MTHFD1L: variants seen among roughly 807,000 people sequenced by gnomAD.
MTHFD1L encodes the protein methylenetetrahydrofolate dehydrogenase (NADP+ dependent) 1 like.
Under a neutral mutation model 119.5 loss-of-function variants are expected in MTHFD1L, and 81 were observed. The observed-to-expected ratio is 0.68, with a 90% CI of 0.57 to 0.82. The LOEUF is 0.82. MTHFD1L is among the 40% of genes least tolerant of loss of function. MTHFD1L has a pLI of 0.00. For missense variants in MTHFD1L, 1,125 were observed against 1,253.4 expected, an observed-to-expected ratio of 0.90 and a Z score of 1.55; for synonymous variants, 430 against 475.2, an observed-to-expected ratio of 0.90 and a Z score of 1.24.
At chr6:151,001,146 C>A (rs144086061) in intron 20 of MTHFD1L, among the ~76,000 whole-genome samples, 1 of 152,192 alleles carries the variant, frequency 6.6e-6, no homozygotes. Flanking sequence ...CGTGTCCAGA[C>A]GTAATGGTGA....
intron 17 of MTHFD1L, among the ~76,000 whole-genome samples, chr6:150,958,916 A>G: frequency 6.6e-6 from 1 of 152,228 alleles, no homozygotes; most frequent in East Asian, 1.9e-4. Flanking sequence ...ATTACAAATG[A>G]AGAGCTTGAA....
intron 11 of MTHFD1L, among the ~76,000 whole-genome samples, chr6:150,936,563 G>C (rs957010790): frequency 2.0e-5 from 3 of 152,200 alleles, no homozygotes; most frequent in Non-Finnish European, 4.4e-5. Context: ...AACTGATGTT[G>C]TTATTAGCAC....
At chr6:150,939,078 A>C in intron 13 of MTHFD1L, 1 of 247,856 alleles carries the variant, frequency 4.0e-6, no homozygotes, top group Non-Finnish European at 8.0e-6. Flanking sequence ...TGCCTTCCTA[A>C]ACTTCAAAAA....
intron 17 of MTHFD1L, among the ~76,000 whole-genome samples, chr6:150,956,520 CA>C (rs1397157552): frequency 6.6e-6 from 1 of 152,016 alleles, no homozygotes; most frequent in Admixed American, 6.5e-5. Context: ...CTTATTAATA[CA>C]AAAATGGCTT....
chr6:151,075,253 A>G (rs951387619), intron 26 of MTHFD1L, among the ~76,000 whole-genome samples: 1 of 152,206 alleles, frequency 6.6e-6, no homozygotes, highest in African/African-American at 2.4e-5. Context: ...ATTACTGTCA[A>G]CAAGAAACCC....
chr6:151,059,903 T>A (rs752087305), intron 26 of MTHFD1L, among the ~76,000 whole-genome samples: 4 of 152,188 alleles, frequency 2.6e-5, no homozygotes, highest in Non-Finnish European at 5.9e-5. Flanking sequence ...TGGCTTTGCC[T>A]GGTTCCAGAC....
At chr6:151,000,584 C>G (rs1051293061) in intron 20 of MTHFD1L, among the ~76,000 whole-genome samples, 4 of 152,168 alleles carry the variant, frequency 2.6e-5, no homozygotes, top group African/African-American at 9.7e-5. Flanking sequence ...AAACAAAGTT[C>G]TATTTTTAAG....
rs1235661806 is a variant in MTHFD1L at position 150,949,051 on chromosome 6, T to C, written c.1644T>C (p.Thr548=). The C allele has an allele frequency of 1.2e-6, 2 of 1,613,992 alleles. No individual in the cohort carries two copies. Residue 548 remains threonine, a synonymous_variant, in exon 16 of 28, where the codon ACT becomes ACC. Transcript: ENST00000367321. The part of the protein sequence containing the change: ...ARLKKLGINK[T]DPSTLTEEEV... The stretch of plus-strand genomic sequence containing the variant: ...ATTAGAAACTGGGAATAAATAAGAC[T>C]GATCCGAGCACACTGACAGAAGAGG...
At position 150,938,954 on chromosome 6, in the gene MTHFD1L, C is replaced by G. The variant is rs3734417; in HGVS notation, c.1440+209C>G. Reference sequence around the variant, plus strand: ...TATAATTATATGGATTTTGTACGTGCTACTTGGCGTGAATATTCATATACA... The same window carrying G: ...TATAATTATATGGATTTTGTACGTGGTACTTGGCGTGAATATTCATATACA... On this transcript the variant is annotated intron_variant, in intron 13 of 27. Transcript: ENST00000367321. Among the ~76,000 whole-genome samples, 12,029 of 152,168 alleles carry G rather than the reference C, an allele frequency of 0.079. 1,059 individuals carry two copies. The highest frequency in any genetic ancestry group is 0.49 in the East Asian group (2,514 of 5,158).
intron 20 of MTHFD1L, among the ~76,000 whole-genome samples, chr6:151,003,441 A>G (rs1470022519): frequency 6.6e-6 from 1 of 152,126 alleles, no homozygotes; most frequent in African/African-American, 2.4e-5. Flanking sequence ...CTGAGGCAGG[A>G]GAATCGCTCG....
chr6:151,079,527 G>A (rs527557535), intron 26 of MTHFD1L, among the ~76,000 whole-genome samples: 3 of 151,966 alleles, frequency 2.0e-5, no homozygotes, highest in South Asian at 2.1e-4. Flanking sequence ...GCATGATCTC[G>A]GCTCACAGCT....
At chr6:150,930,895 T>C (rs531158892) in intron 11 of MTHFD1L, among the ~76,000 whole-genome samples, 1 of 152,344 alleles carries the variant, frequency 6.6e-6, no homozygotes. Context: ...GTCAGAATCA[T>C]CTGCATTTCA....
At chr6:150,965,719 T>G (rs560257142) in intron 19 of MTHFD1L, among the ~76,000 whole-genome samples, 1 of 152,296 alleles carries the variant, frequency 6.6e-6, no homozygotes, top group South Asian at 2.1e-4. Flanking sequence ...TGGCCATGTT[T>G]ACAATTTATT....
At position 150,958,348 on chromosome 6, in the gene MTHFD1L, G is replaced by T. The variant is rs559365169; in HGVS notation, c.1804-1927G>T. ...ATTTCCCTGTTAATGAACATGTAGA[G>T]TGTTTGCAGTTTCAGGCTATCACAA... is the stretch of plus-strand genomic sequence containing the variant. On this transcript the variant is annotated intron_variant, in intron 17 of 27. Coordinates refer to ENST00000367321, the MANE Select transcript of MTHFD1L (RefSeq NM_015440.5). 2.0e-5 allele frequency among the ~76,000 whole-genome samples: 3 copies of T among 152,128 alleles called. No homozygotes were observed. The South Asian group carries it at 6.2e-4, about 32-fold the overall frequency.
At chr6:151,064,555 C>T (rs914114659) in intron 26 of MTHFD1L, among the ~76,000 whole-genome samples, 8 of 152,112 alleles carry the variant, frequency 5.3e-5, no homozygotes, top group East Asian at 1.9e-4. Flanking sequence ...CCTTGTGATC[C>T]GCCTGCCTCG....
At chr6:150,984,904 C>T (rs1778048680) in intron 20 of MTHFD1L, 1 of 152,118 alleles carries the variant, frequency 6.6e-6, no homozygotes, top group Non-Finnish European at 1.5e-5. Flanking sequence ...GGATTTTCTT[C>T]TGAGTAGCCA....
chr6:150,934,327 A>T (rs1422265775), intron 11 of MTHFD1L, among the ~76,000 whole-genome samples: 1 of 152,214 alleles, frequency 6.6e-6, no homozygotes, highest in Non-Finnish European at 1.5e-5. Context: ...GCCGGGTCTC[A>T]CCTAAGATGT....
At chr6:150,900,031 T>A (rs1007998894) in intron 7 of MTHFD1L, among the ~76,000 whole-genome samples, 5 of 148,468 alleles carry the variant, frequency 3.4e-5, no homozygotes, top group African/African-American at 7.3e-5. Context: ...ATTTATATTT[T>A]TATATATATA....
intron 15 of MTHFD1L, 65 bp from the exon 16 acceptor site, chr6:150,948,966 T>G: frequency 3.0e-6 from 4 of 1,314,244 alleles, no homozygotes; most frequent in Non-Finnish European, 4.3e-6. Context: ...AGAGGGATAA[T>G]TTTGGTGACC....
Sources: allele counts gnomAD v4.1 joint callset (sites outside exome capture counted in the v4.1 genomes callset), GRCh38; gene constraint gnomAD v4.1.1; transcripts MANE v1.5; gene names NCBI Gene and HGNC (gene_info 2026-07-23, HGNC 2026-07-21).